Variants in BCAS3 observed in about 807,000 individuals in gnomAD.
BCAS3 encodes BCAS4/BCAS3 fusion.
In BCAS3, 53 loss-of-function variants were observed where a neutral mutation model predicts 116.1. That is an observed-to-expected ratio of 0.46 (90% CI 0.37 to 0.57). The LOEUF is 0.57. Ranked by LOEUF, BCAS3 falls within the 20% of genes least tolerant of loss-of-function variation. The pLI, the probability that BCAS3 is intolerant of heterozygous loss-of-function variation, is 0.00. For synonymous variants in BCAS3, 391 were observed against 408.2 expected, an observed-to-expected ratio of 0.96 and a Z score of 0.51; for missense variants, 917 against 1,165.4, an observed-to-expected ratio of 0.79 and a Z score of 3.10.
chr17:61,153,197 C>T (rs1486358266), intron 22 of BCAS3, among the ~76,000 whole-genome samples: 1 of 152,162 alleles, frequency 6.6e-6, no homozygotes, highest in Non-Finnish European at 1.5e-5. Context: ...AGAGTGTTTT[C>T]AACTATTGTA....
chr17:61,210,796 T>C (rs975265593), intron 22 of BCAS3, among the ~76,000 whole-genome samples: 5 of 152,216 alleles, frequency 3.3e-5, no homozygotes, highest in Non-Finnish European at 7.3e-5. Flanking sequence ...CTATCCCATC[T>C]CATAGCCAGT....
intron 10 of BCAS3, among the ~76,000 whole-genome samples, chr17:60,898,212 T>A (rs924382371): frequency 2.0e-5 from 3 of 152,198 alleles, no homozygotes; most frequent in Non-Finnish European, 4.4e-5. Context: ...CATAAATTTC[T>A]TTTTGATTAG....
chr17:60,933,169 A>T (rs972071952), intron 13 of BCAS3, among the ~76,000 whole-genome samples: 7 of 152,170 alleles, frequency 4.6e-5, no homozygotes, highest in African/African-American at 1.7e-4. Context: ...TCCGTCTCAA[A>T]AAGAAAAAAA....
chr17:60,820,589 G>C (rs1256349280), intron 7 of BCAS3, among the ~76,000 whole-genome samples: 3 of 152,080 alleles, frequency 2.0e-5, no homozygotes, highest in African/African-American at 7.2e-5. Context: ...ATGCAACATT[G>C]TTTTCAGAAC....
chr17:61,207,216 T>A (rs1006071474), intron 22 of BCAS3, among the ~76,000 whole-genome samples: 1 of 152,228 alleles, frequency 6.6e-6, no homozygotes, highest in African/African-American at 2.4e-5. Flanking sequence ...CTTATATTAC[T>A]ATATCACCTG....
intron 5 of BCAS3, among the ~76,000 whole-genome samples, chr17:60,736,072 T>C (rs531356641): frequency 6.7e-6 from 1 of 148,522 alleles, no homozygotes; most frequent in South Asian, 2.1e-4. Context: ...GGGTCTCACT[T>C]CGTCACCCAG....
intron 5 of BCAS3, among the ~76,000 whole-genome samples, chr17:60,740,078 T>C (rs558675594): frequency 1.3e-5 from 2 of 152,276 alleles, no homozygotes; most frequent in Admixed American, 6.5e-5. Context: ...GTAGGGTTTT[T>C]TGGGGCATTT....
chr17:60,970,228 A>G (rs889529117), intron 14 of BCAS3, among the ~76,000 whole-genome samples: 1 of 152,170 alleles, frequency 6.6e-6, no homozygotes. Flanking sequence ...GAGCTGTACT[A>G]TTGCAAGGTT....
Position 61,347,347 on chromosome 17 carries a change from G to T in BCAS3, c.2426-20980G>T, listed in dbSNP as rs1475171267. 6.6e-6 allele frequency among the ~76,000 whole-genome samples: 1 copy of T among 152,190 alleles called. No homozygotes were observed. Among genetic ancestry groups the T allele is most frequent in the Non-Finnish European group, 1.5e-5 (1 of 68,024 alleles). On this transcript the variant is annotated intron_variant, in intron 22 of 23. Coordinates refer to ENST00000407086, the MANE Select transcript of BCAS3 (RefSeq NM_017679.5). The surrounding 1 kb of genome is among the most constrained non-coding windows in gnomAD (Gnocchi z 4.3). Reference sequence around the variant, plus strand: ...TCCACCCACCTCAGCCTCCCAAAGTGCTGGGATTATAGGCATGAGCCACCG... The same window carrying T: ...TCCACCCACCTCAGCCTCCCAAAGTTCTGGGATTATAGGCATGAGCCACCG...
intron 19 of BCAS3, among the ~76,000 whole-genome samples, chr17:61,062,749 A>T (rs2070194661): frequency 6.6e-6 from 1 of 152,254 alleles, no homozygotes; most frequent in South Asian, 2.1e-4. Flanking sequence ...GTCCATCCTA[A>T]AAACTGAAGG....
At position 61,010,402 on chromosome 17, in the gene BCAS3, T is replaced by A. The variant is rs184847246; in HGVS notation, c.1487-5349T>A. On this transcript the variant is annotated intron_variant, in intron 15 of 23. Coordinates refer to ENST00000407086, the MANE Select transcript of BCAS3 (RefSeq NM_017679.5). ...TGTTAGTATGGAGATTGAGAGTTTGTGTCCCCCAAAGTACACGTACCTGTA... is the reference window on the plus strand; with the variant it reads ...TGTTAGTATGGAGATTGAGAGTTTGAGTCCCCCAAAGTACACGTACCTGTA... Among the ~76,000 whole-genome samples the A allele has an allele frequency of 9.5e-3, 1,451 of 152,092 alleles. 10 individuals carry two copies. The highest frequency in any genetic ancestry group is 0.015 in the Non-Finnish European group (994 of 67,938).
chr17:60,966,771 G>A (rs2145329748), intron 14 of BCAS3, among the ~76,000 whole-genome samples: 1 of 150,158 alleles, frequency 6.7e-6, no homozygotes, highest in South Asian at 2.1e-4. Context: ...TTCTGCCTCA[G>A]CCTCCTGAGT....
intron 5 of BCAS3, among the ~76,000 whole-genome samples, chr17:60,714,886 GC>G (rs781681550): frequency 7.2e-5 from 11 of 152,154 alleles, no homozygotes; most frequent in Admixed American, 2.6e-4. Context: ...AGCTGTCAGA[GC>G]CCTTCTTTCA....
At chr17:60,783,780 C>T (rs987873497) in intron 6 of BCAS3, among the ~76,000 whole-genome samples, 1 of 152,142 alleles carries the variant, frequency 6.6e-6, no homozygotes, top group African/African-American at 2.4e-5. Context: ...GAAATGTACT[C>T]CACCTCACAG....
At chr17:60,700,441 G>A (rs2036242840) in intron 4 of BCAS3, among the ~76,000 whole-genome samples, 1 of 152,190 alleles carries the variant, frequency 6.6e-6, no homozygotes. Flanking sequence ...ATCAGGCTTG[G>A]TGAGGAAGTC....
intron 10 of BCAS3, among the ~76,000 whole-genome samples, chr17:60,895,508 A>G (rs909124783): frequency 1.3e-5 from 2 of 151,544 alleles, no homozygotes; most frequent in African/African-American, 4.9e-5. Flanking sequence ...CCAATTTTTT[A>G]TTCATTGATC....
intron 6 of BCAS3, among the ~76,000 whole-genome samples, chr17:60,748,657 A>C (rs372687767): frequency 6.6e-6 from 1 of 152,090 alleles, no homozygotes; most frequent in African/African-American, 2.4e-5. Context: ...TTATTTATGA[A>C]GTTATTTTGT....
intron 9 of BCAS3, 28 bp from the exon 10 acceptor site, chr17:60,889,667 C>T: frequency 1.3e-6 from 2 of 1,581,004 alleles, no homozygotes; most frequent in Non-Finnish European, 1.7e-6. Flanking sequence ...TAAGAAATTT[C>T]TCAATAGTGC....
At chr17:60,854,826 C>T (rs1236729211) in intron 7 of BCAS3, among the ~76,000 whole-genome samples, 1 of 151,908 alleles carries the variant, frequency 6.6e-6, no homozygotes, top group Non-Finnish European at 1.5e-5. Flanking sequence ...TTCATGGCAG[C>T]TTTATTTATA....
Sources: gnomAD v4.1 joint callset for allele counts (sites outside exome capture counted in the v4.1 genomes callset) on GRCh38, gnomAD v4.1.1 for gene constraint, Gnocchi (gnomAD v3.1) non-coding constraint, MANE v1.5 for transcripts, NCBI Gene and HGNC (gene_info 2026-07-23, HGNC 2026-07-21) for gene names.